ADCY8: variants seen among roughly 807,000 people sequenced by gnomAD.
ADCY8 encodes the protein adenylate cyclase type 8.
ADCY8 carries 51 observed loss-of-function variants against 119.7 expected under a neutral mutation model. That is an observed-to-expected ratio of 0.43 (90% confidence interval 0.34 to 0.54). ADCY8 has a LOEUF of 0.54. ADCY8 is among the 20% of genes least tolerant of loss of function. The probability of loss-of-function intolerance (pLI) is 0.03; values close to 1 mark genes in which losing one functional copy is unlikely to be tolerated. For missense variants in ADCY8, 1,383 were observed against 1,598.8 expected (o/e 0.87, Z 2.30); for synonymous variants, 665 against 651.0 (o/e 1.02, Z -0.33).
intron 12 of ADCY8, among the ~76,000 whole-genome samples, chr8:130,826,815 G>T (rs1816681660): frequency 6.6e-6 from 1 of 152,018 alleles, no homozygotes; most frequent in Non-Finnish European, 1.5e-5. Flanking sequence ...ACAAAAGGCA[G>T]AGGTGGTATT....
At chr8:130,826,420 G>C (rs1381513034) in intron 12 of ADCY8, among the ~76,000 whole-genome samples, 6 of 152,022 alleles carry the variant, frequency 3.9e-5, no homozygotes, top group Non-Finnish European at 5.9e-5. Context: ...AACAATTTTA[G>C]GTCAGAAAAA....
At chr8:130,937,631 A>G (rs1387943592) in intron 4 of ADCY8, among the ~76,000 whole-genome samples, 1 of 152,212 alleles carries the variant, frequency 6.6e-6, no homozygotes, top group Non-Finnish European at 1.5e-5. Flanking sequence ...TTAAAAATGT[A>G]CATCACTTAG....
At chr8:130,798,633 T>C (rs1232614632) in intron 15 of ADCY8, among the ~76,000 whole-genome samples, 1 of 152,138 alleles carries the variant, frequency 6.6e-6, no homozygotes, top group African/African-American at 2.4e-5. Flanking sequence ...TCTCCTGCCT[T>C]TGGTGATTGC....
chr8:130,901,840 TA>T (rs1563720948), intron 7 of ADCY8, among the ~76,000 whole-genome samples: 3 of 152,164 alleles, frequency 2.0e-5, no homozygotes, highest in South Asian at 2.1e-4. Context: ...ACTTGGGCAT[TA>T]AAAAAATACA....
chr8:130,892,809 T>C (rs1253053526), intron 7 of ADCY8: 1 of 152,104 alleles, frequency 6.6e-6, no homozygotes, highest in African/African-American at 2.4e-5. Flanking sequence ...GTTCTCAGGA[T>C]AAGAAGACTG....
intron 5 of ADCY8, among the ~76,000 whole-genome samples, chr8:130,915,427 G>A (rs1424038073): frequency 6.6e-6 from 1 of 152,120 alleles, no homozygotes; most frequent in Non-Finnish European, 1.5e-5. Context: ...GTAGGGGCTA[G>A]AGCAAATTAC....
chr8:130,821,725 CA>C (rs1816516009), intron 12 of ADCY8, among the ~76,000 whole-genome samples: 1 of 152,144 alleles, frequency 6.6e-6, no homozygotes, highest in Non-Finnish European at 1.5e-5. Context: ...AGATTTTAAA[CA>C]GCCTTTATAC....
intron 1 of ADCY8, among the ~76,000 whole-genome samples, chr8:131,014,736 A>G (rs1452537933): frequency 1.3e-5 from 2 of 152,166 alleles, no homozygotes; most frequent in African/African-American, 4.8e-5. Context: ...CAGACTTCTC[A>G]TATGTTAAAT....
At chr8:130,903,470 T>G (rs964125242) in intron 7 of ADCY8, among the ~76,000 whole-genome samples, 4 of 150,592 alleles carry the variant, frequency 2.7e-5, no homozygotes, top group Non-Finnish European at 5.9e-5. Context: ...AGTGGTTTTT[T>G]TTTTTTTTTG....
chr8:130,995,172 A>T (rs1822734866), intron 1 of ADCY8, among the ~76,000 whole-genome samples: 1 of 152,214 alleles, frequency 6.6e-6, no homozygotes, highest in South Asian at 2.1e-4. Flanking sequence ...CATAAATATG[A>T]CCATCCATGT....
intron 11 of ADCY8, among the ~76,000 whole-genome samples, chr8:130,846,873 T>C (rs868359936): frequency 2.4e-4 from 6 of 24,936 alleles, no homozygotes; most frequent in African/African-American, 1.1e-3. Flanking sequence ...CTCCCTTCCC[T>C]TCCCTTCCCT....
intron 2 of ADCY8, among the ~76,000 whole-genome samples, chr8:130,988,387 T>A (rs1026480784): frequency 5.9e-5 from 9 of 152,246 alleles, no homozygotes; most frequent in Admixed American, 5.9e-4. Flanking sequence ...AGTATTTTAC[T>A]TAATCCTAGG....
At chr8:130,820,370 T>C (rs1816470347) in intron 13 of ADCY8, among the ~76,000 whole-genome samples, 1 of 152,172 alleles carries the variant, frequency 6.6e-6, no homozygotes, top group Admixed American at 6.5e-5. Flanking sequence ...TGCTGTGCTT[T>C]CCTCCTTTTC....
intron 8 of ADCY8, among the ~76,000 whole-genome samples, chr8:130,873,146 G>C (rs949633863): frequency 4.6e-5 from 7 of 152,168 alleles, no homozygotes; most frequent in Non-Finnish European, 5.9e-5. Flanking sequence ...GCCTGGGATA[G>C]TCCTAAGAAC....
At chr8:130,902,454 G>A (rs1254362899) in intron 7 of ADCY8, among the ~76,000 whole-genome samples, 1 of 152,120 alleles carries the variant, frequency 6.6e-6, no homozygotes, top group South Asian at 2.1e-4. Context: ...AAGAGCTGTC[G>A]AAGACCTAAG....
chr8:130,985,051 G>C (rs1349587167), intron 2 of ADCY8, among the ~76,000 whole-genome samples: 1 of 152,088 alleles, frequency 6.6e-6, no homozygotes, highest in Non-Finnish European at 1.5e-5. Context: ...AGGAGGAAGA[G>C]GGATATGTGA....
chr8:130,927,018 G>A (rs1363333360), intron 5 of ADCY8, among the ~76,000 whole-genome samples: 2 of 151,326 alleles, frequency 1.3e-5, no homozygotes, highest in Admixed American at 1.3e-4. Flanking sequence ...CAGGTTGATT[G>A]CATATCTTGG....
chr8:130,934,158 C>T (rs1421879669), intron 5 of ADCY8, among the ~76,000 whole-genome samples: 1 of 152,148 alleles, frequency 6.6e-6, no homozygotes, highest in East Asian at 1.9e-4. Context: ...TTGTAGAGAT[C>T]TCTGATCTTC....
At chr8:131,032,567 T>C (rs1824028421) in intron 1 of ADCY8, among the ~76,000 whole-genome samples, 1 of 152,036 alleles carries the variant, frequency 6.6e-6, no homozygotes, top group African/African-American at 2.4e-5. Context: ...GTAGGTGGCT[T>C]TTATGCCTAC....
Sources: gnomAD v4.1 joint callset for allele counts (sites outside exome capture counted in the v4.1 genomes callset) on GRCh38, gnomAD v4.1.1 for gene constraint, MANE v1.5 for transcripts, NCBI Gene and HGNC (gene_info 2026-07-23, HGNC 2026-07-21) for gene names.